The following PPA2 variants were observed in gnomAD, a reference collection of about 807,000 sequenced individuals.
The protein encoded by PPA2 is inorganic pyrophosphatase 2, mitochondrial.
In PPA2, 48 loss-of-function variants were observed where a neutral mutation model predicts 49.5. The ratio of observed to expected loss-of-function variants is 0.97; its 90% CI spans 0.77 to 1.23. The LOEUF is 1.23. PPA2 is among the 50% of genes most tolerant of loss of function. PPA2 has a pLI of 0.00. For missense variants in PPA2, 429 were observed against 410.1 expected, an observed-to-expected ratio of 1.05 and a Z score of -0.40; for synonymous variants, 131 against 139.9, an observed-to-expected ratio of 0.94 and a Z score of 0.45.
Position 105,386,612 on chromosome 4 carries a change from G to T in PPA2, c.894C>A (p.Ser298Arg). The T allele has an allele frequency of 1.9e-6, 3 of 1,612,470 alleles. No individual in the cohort carries two copies. Among genetic ancestry groups the T allele is most frequent in the Non-Finnish European group, 2.5e-6 (3 of 1,178,904 alleles). The change falls in exon 10 of 12, where the codon AGC (serine) becomes AGA (arginine). Residue 298 changes from serine (S) to arginine (R), a missense_variant. Physicochemically the swap from Ser to Arg is moderately radical, Grantham distance 110 (BLOSUM62 -1). Transcript: ENST00000341695. ...CTTCCTCTTGAGTGCAACGGAAAGG[G>T]CTATCAGATATCTGCACGTTTGTGC... The part of the protein sequence containing the change: ...INCTNVQISD[S>R]PFRCTQEEAR...
chr4:105,369,818 A>T, intron 11 of PPA2, 65 bp from the exon 12 acceptor site: 3 of 1,414,492 alleles, frequency 2.1e-6, no homozygotes, highest in Non-Finnish European at 3.0e-6. Flanking sequence ...GGGAGTGATT[A>T]ATCAAATTTA....
intron 10 of PPA2, among the ~76,000 whole-genome samples, chr4:105,377,336 C>G (rs1733297551): frequency 6.6e-6 from 1 of 152,096 alleles, no homozygotes; most frequent in African/African-American, 2.4e-5. Context: ...TTATTGAATA[C>G]CTTATCTGCT....
chr4:105,421,915 C>T (rs188301282), intron 7 of PPA2, among the ~76,000 whole-genome samples: 202 of 151,974 alleles, frequency 1.3e-3, no homozygotes, highest in African/African-American at 4.4e-3. Context: ...TGGTGGCGCG[C>T]GCCTGTACTC....
intron 7 of PPA2, among the ~76,000 whole-genome samples, chr4:105,422,613 T>C (rs574944999): frequency 1.3e-5 from 2 of 151,798 alleles, no homozygotes; most frequent in Non-Finnish European, 1.5e-5. Context: ...GGCTATATAT[T>C]GCTCAATACA....
At chr4:105,466,004 C>T (rs1410512406) in intron 1 of PPA2, among the ~76,000 whole-genome samples, 1 of 151,904 alleles carries the variant, frequency 6.6e-6, no homozygotes. Context: ...ATAGATTTAC[C>T]TTATCTTCTA....
At chr4:105,444,013 G>A (rs1235899290) in intron 5 of PPA2, among the ~76,000 whole-genome samples, 9 of 152,104 alleles carry the variant, frequency 5.9e-5, no homozygotes, top group Non-Finnish European at 8.8e-5. Context: ...ACCACCACCT[G>A]ACATTTTACT....
intron 10 of PPA2, among the ~76,000 whole-genome samples, chr4:105,377,866 A>G (rs1040584910): frequency 2.0e-5 from 3 of 152,124 alleles, no homozygotes; most frequent in African/African-American, 7.2e-5. Context: ...GCATGTGTCA[A>G]TAATCTATTC....
intron 6 of PPA2, among the ~76,000 whole-genome samples, chr4:105,425,323 T>C (rs893973861): frequency 6.6e-6 from 1 of 152,098 alleles, no homozygotes; most frequent in African/African-American, 2.4e-5. Flanking sequence ...ACTGTAAATA[T>C]GCTCAAAGAT....
intron 10 of PPA2, among the ~76,000 whole-genome samples, chr4:105,386,229 T>C (rs1051821930): frequency 2.6e-5 from 4 of 152,110 alleles, no homozygotes; most frequent in African/African-American, 9.7e-5. Flanking sequence ...AGTTCCAATG[T>C]AGACACGGAC....
chr4:105,472,544 C>T (rs1723567097), intron 1 of PPA2, among the ~76,000 whole-genome samples: 1 of 152,158 alleles, frequency 6.6e-6, no homozygotes, highest in Non-Finnish European at 1.5e-5. Context: ...TTTTTTCTGA[C>T]TATTCCCATT....
At chr4:105,465,127 T>C (rs1331501304) in intron 1 of PPA2, among the ~76,000 whole-genome samples, 1 of 152,154 alleles carries the variant, frequency 6.6e-6, no homozygotes, top group African/African-American at 2.4e-5. Flanking sequence ...TGAATCAAAA[T>C]CTCAAGGAGG....
intron 9 of PPA2, among the ~76,000 whole-genome samples, chr4:105,395,670 C>G (rs1734110820): frequency 6.6e-6 from 1 of 151,708 alleles, no homozygotes; most frequent in Middle Eastern, 3.4e-3. Context: ...TTAAAAGAAC[C>G]CTAAAAATCT....
intron 7 of PPA2, among the ~76,000 whole-genome samples, chr4:105,404,383 A>G (rs1722360632): frequency 6.6e-6 from 1 of 152,248 alleles, no homozygotes; most frequent in South Asian, 2.1e-4. Flanking sequence ...ACAAAGAATA[A>G]AAAGTCTTAC....
chr4:105,435,638 A>G (rs1724019308), intron 6 of PPA2, among the ~76,000 whole-genome samples: 1 of 152,210 alleles, frequency 6.6e-6, no homozygotes, highest in Admixed American at 6.5e-5. Context: ...CCAGGAATGC[A>G]AGGATGGTTG....
At position 105,457,365 on chromosome 4, in the gene PPA2, T is replaced by C. The variant is rs117595687; in HGVS notation, c.158-620A>G. On this transcript the variant is annotated intron_variant, in intron 1 of 11. Coordinates refer to ENST00000341695, the MANE Select transcript of PPA2 (RefSeq NM_176869.3). ...TTAAATAAACACAATGCCTTGTAAA[T>C]AAATACAATGCACTTTTACTGGAAT... Among the ~76,000 whole-genome samples the C allele has an allele frequency of 5.7e-3, 874 of 152,308 alleles. 2 individuals carry two copies. Among genetic ancestry groups the C allele is most frequent in the East Asian group, 0.029 (149 of 5,186 alleles).
At chr4:105,373,239 G>A (rs773506610) in intron 10 of PPA2, among the ~76,000 whole-genome samples, 8 of 152,114 alleles carry the variant, frequency 5.3e-5, no homozygotes, top group African/African-American at 1.4e-4. Flanking sequence ...CTTAACCATC[G>A]TTGGTTTTGA....
intron 7 of PPA2, among the ~76,000 whole-genome samples, chr4:105,417,390 AG>A: frequency 6.6e-6 from 1 of 152,214 alleles, no homozygotes; most frequent in East Asian, 1.9e-4. Context: ...GAAAAACCCT[AG>A]GGATCTTTTA....
chr4:105,438,378 G>A (rs1268743308), intron 5 of PPA2, among the ~76,000 whole-genome samples: 1 of 152,158 alleles, frequency 6.6e-6, no homozygotes, highest in East Asian at 1.9e-4. Context: ...CCTTGTTTCT[G>A]TGTTTCCGCT....
At chr4:105,435,940 C>T (rs1192576389) in intron 6 of PPA2, among the ~76,000 whole-genome samples, 1 of 151,962 alleles carries the variant, frequency 6.6e-6, no homozygotes, top group Admixed American at 6.6e-5. Context: ...CAACATAGTA[C>T]TGGAAGTCCT....
Sources: gnomAD v4.1 joint callset for allele counts (sites outside exome capture counted in the v4.1 genomes callset) on GRCh38, gnomAD v4.1.1 for gene constraint, MANE v1.5 for transcripts, NCBI Gene and HGNC (gene_info 2026-07-23, HGNC 2026-07-21) for gene names.